The following PRH1 variants were observed in gnomAD, a reference collection of about 807,000 sequenced individuals.
PRH1 encodes proline rich protein HaeIII subfamily 1, also known as salivary acidic proline-rich phosphoprotein 1/2.
Under a neutral mutation model 7.9 loss-of-function variants are expected in PRH1, and 7 were observed. The observed-to-expected ratio is 0.89, with a 90% CI of 0.50 to 1.67. PRH1 has a LOEUF of 1.67. Ranked by LOEUF, PRH1 falls within the 40% of genes most tolerant of loss-of-function variation. PRH1 has a pLI of 0.00. For synonymous variants in PRH1, 45 were observed against 80.8 expected (o/e 0.56, Z 2.38); for missense variants, 109 against 223.6 (o/e 0.49, Z 3.27).
At chr12:11,037,197 A>T (rs1247990629) in intron 1 of PRH1, among the ~76,000 whole-genome samples, 15 of 152,226 alleles carry the variant, frequency 9.9e-5, no homozygotes, top group African/African-American at 3.6e-4. Context: ...AATACAGTAT[A>T]TCAACTTTAG....
intron 1 of PRH1, among the ~76,000 whole-genome samples, chr12:11,106,702 T>C (rs912739301): frequency 2.0e-5 from 3 of 152,002 alleles, no homozygotes; most frequent in Non-Finnish European, 2.9e-5. Flanking sequence ...CTTTTCCATT[T>C]TTACAGTATA....
At chr12:11,069,117 CAT>C (rs1295959364) in intron 1 of PRH1, among the ~76,000 whole-genome samples, 58,170 of 139,916 alleles carry the variant, frequency 0.42, 12,674 homozygotes, top group Non-Finnish European at 0.5. Flanking sequence ...TGGGTTTCAC[CAT>C]GTTTCCTAGG....
At chr12:11,026,665 A>T (rs535482026) in intron 1 of PRH1, among the ~76,000 whole-genome samples, 169 of 150,222 alleles carry the variant, frequency 1.1e-3, no homozygotes, top group African/African-American at 3.8e-3. Context: ...CCGATTCACT[A>T]AACCTATCTG....
chr12:11,119,593 T>G (rs7313683), downstream of PRH1, among the ~76,000 whole-genome samples: 48,755 of 152,008 alleles, frequency 0.32, 9,815 homozygotes, highest in East Asian at 0.74. Flanking sequence ...AAGAAATTCC[T>G]AAACTTCCCA....
At chr12:11,119,078 T>C (rs2218905), downstream of PRH1, among the ~76,000 whole-genome samples, 2,307 of 149,114 alleles carry the variant, frequency 0.015, 18 homozygotes, top group South Asian at 0.031. Context: ...ATTTAAAAAA[T>C]GAGATCCTGT....
intron 1 of PRH1, among the ~76,000 whole-genome samples, chr12:11,125,608 CA>C (rs1318427384): frequency 6.6e-6 from 1 of 152,268 alleles, no homozygotes; most frequent in Non-Finnish European, 1.5e-5. Flanking sequence ...CATGTGTACA[CA>C]TGCATGGTAT....
chr12:10,931,779 C>T (rs1164990887), intron 2 of PRH1, among the ~76,000 whole-genome samples: 1 of 151,946 alleles, frequency 6.6e-6, no homozygotes, highest in Non-Finnish European at 1.5e-5. Flanking sequence ...TCTTAGCTTT[C>T]ACATGAGTTT....
intron 1 of PRH1, among the ~76,000 whole-genome samples, chr12:11,129,466 A>G (rs1230698607): frequency 1.3e-5 from 2 of 152,290 alleles, no homozygotes; most frequent in African/African-American, 4.8e-5. Context: ...GCATTCCCTA[A>G]GGAATGGAAC....
At chr12:11,129,969 G>A (rs79973177) in intron 1 of PRH1, among the ~76,000 whole-genome samples, 6 of 151,962 alleles carry the variant, frequency 3.9e-5, no homozygotes, top group Admixed American at 3.3e-4. Flanking sequence ...TGGGTAACAC[G>A]GTGACATCCC....
chr12:11,136,191 C>T (rs1946547484), intron 1 of PRH1, among the ~76,000 whole-genome samples: 2 of 152,180 alleles, frequency 1.3e-5, no homozygotes, highest in Admixed American at 1.3e-4. Flanking sequence ...CCCTAAACTC[C>T]ATCGCTTGGT....
intron 2 of PRH1, among the ~76,000 whole-genome samples, chr12:10,963,235 T>C (rs1192176971): frequency 6.6e-6 from 1 of 152,240 alleles, no homozygotes; most frequent in Non-Finnish European, 1.5e-5. Context: ...AATGACGTTA[T>C]ACATTTTTTC....
chr12:11,018,443 C>G (rs1192955506), intron 1 of PRH1, among the ~76,000 whole-genome samples: 2 of 152,238 alleles, frequency 1.3e-5, no homozygotes, highest in Non-Finnish European at 2.9e-5. Flanking sequence ...TTGACTGTCT[C>G]CTGTTCCCAT....
chr12:10,971,691 T>C (rs546686284), intron 2 of PRH1, among the ~76,000 whole-genome samples: 2 of 152,274 alleles, frequency 1.3e-5, no homozygotes, highest in East Asian at 3.9e-4. Context: ...CTAGGAGCAG[T>C]GTTTGAAAAT....
chr12:11,063,521 TAAAC>T (rs1017546566), intron 1 of PRH1, among the ~76,000 whole-genome samples: 5 of 151,918 alleles, frequency 3.3e-5, no homozygotes, highest in African/African-American at 4.8e-5. Context: ...CCATTTCAAA[TAAAC>T]AGAGCCATCC....
At chr12:11,070,524 T>G (rs1944019467) in intron 1 of PRH1, among the ~76,000 whole-genome samples, 1 of 152,132 alleles carries the variant, frequency 6.6e-6, no homozygotes, top group Non-Finnish European at 1.5e-5. Flanking sequence ...CTCTTCCAAG[T>G]GTCTTCCAAG....
Position 11,160,730 on chromosome 12 carries a change from C to T in PRH1, n.39+10692G>A, listed in dbSNP as rs1565716915. 2.6e-5 allele frequency among the ~76,000 whole-genome samples: 4 copies of T among 152,092 alleles called. No individual in the cohort carries two copies. In the South Asian group the frequency reaches 8.3e-4, roughly 32 times the overall value. On this transcript the variant is annotated intron_variant and non_coding_transcript_variant, in intron 1 of 1. Transcript: ENST00000541175. ...CCTCGTGATCCTCCTGCCTCAGCCTCCAAAAGTGCTGGGATTACAGGTGTG... is the reference window on the plus strand; with the variant it reads ...CCTCGTGATCCTCCTGCCTCAGCCTTCAAAAGTGCTGGGATTACAGGTGTG...
chr12:10,901,926 G>C (rs1024644396), intron 2 of PRH1, among the ~76,000 whole-genome samples: 1 of 151,988 alleles, frequency 6.6e-6, no homozygotes, highest in African/African-American at 2.4e-5. Context: ...GGAGGAAAGA[G>C]AACAAGAATT....
chr12:11,131,144 A>G (rs1298906214), intron 1 of PRH1, among the ~76,000 whole-genome samples: 1 of 152,248 alleles, frequency 6.6e-6, no homozygotes, highest in East Asian at 1.9e-4. Context: ...ACCCTGGCCA[A>G]GGGGAAACAG....
upstream of PRH1, among the ~76,000 whole-genome samples, chr12:10,888,851 T>C (rs534790004): frequency 3.9e-5 from 6 of 152,218 alleles, no homozygotes; most frequent in Non-Finnish European, 8.8e-5. Flanking sequence ...CCCTTTATAA[T>C]TTTTAGGTCA....
Sources: allele counts gnomAD v4.1 joint callset (sites outside exome capture counted in the v4.1 genomes callset), GRCh38; gene constraint gnomAD v4.1.1; transcripts MANE v1.5; gene names NCBI Gene and HGNC (gene_info 2026-07-23, HGNC 2026-07-21).